CSMD2: variants seen among roughly 807,000 people sequenced by gnomAD.
CSMD2 encodes the protein CUB and sushi domain-containing protein 2.
In CSMD2, 130 loss-of-function variants were observed where a neutral mutation model predicts 398.5. That is an observed-to-expected ratio of 0.33 (90% CI 0.28 to 0.38). CSMD2 has a LOEUF of 0.38. Among genes scored for constraint, CSMD2 ranks in the 10% least tolerant of loss-of-function variants. The pLI is 1.00. For synonymous variants in CSMD2, 1,828 were observed against 1,908.5 expected, an observed-to-expected ratio of 0.96 and a Z score of 1.10; for missense variants, 3,829 against 4,764.9, an observed-to-expected ratio of 0.80 and a Z score of 5.78.
intron 15 of CSMD2, among the ~76,000 whole-genome samples, chr1:33,731,196 A>C (rs1004837966): frequency 2.6e-5 from 4 of 152,222 alleles, no homozygotes; most frequent in South Asian, 2.1e-4. Context: ...TAATACAAAA[A>C]CCGGCAAATA....
chr1:33,572,401 T>C (rs1467436653), intron 50 of CSMD2, 105 bp downstream of exon 50: 2 of 1,046,282 alleles, frequency 1.9e-6, no homozygotes, highest in African/African-American at 1.6e-5. Context: ...GTTTTTTTTT[T>C]TTTTTCCCCC....
At chr1:33,809,348 G>A (rs146667652) in intron 10 of CSMD2, among the ~76,000 whole-genome samples, 349 of 152,060 alleles carry the variant, frequency 2.3e-3, no homozygotes, top group African/African-American at 8.2e-3. Context: ...AGAATGCAAG[G>A]TTGGTTTGAC....
chr1:33,799,234 T>C (rs1655310796), intron 10 of CSMD2, among the ~76,000 whole-genome samples: 1 of 152,222 alleles, frequency 6.6e-6, no homozygotes, highest in Admixed American at 6.5e-5. Flanking sequence ...TAGAAGAATA[T>C]GCAACAGAGA....
intron 49 of CSMD2, among the ~76,000 whole-genome samples, chr1:33,574,637 G>C (rs1209104305): frequency 4.6e-5 from 7 of 152,158 alleles, no homozygotes; most frequent in Admixed American, 4.6e-4. Context: ...CATCAGGCTG[G>C]GGCTCCATTA....
rs374851445 is a variant in CSMD2 at position 33,657,183 on chromosome 1, G to C, written c.4447+763C>G. The stretch of plus-strand genomic sequence containing the variant: ...TCATACAGGAAGGTTTTAAGACTGA[G>C]GACAGATCTAAAGAAACAAAACCTG... On this transcript the variant is annotated intron_variant, in intron 27 of 70. Transcript: ENST00000373381. Among the ~76,000 whole-genome samples the C allele has an allele frequency of 9.9e-5, 15 of 152,254 alleles. No individual in the cohort carries two copies. In the South Asian group the frequency reaches 3.1e-3, roughly 32 times the overall value.
chr1:33,980,232 T>C (rs1646118981), intron 3 of CSMD2, among the ~76,000 whole-genome samples: 1 of 152,132 alleles, frequency 6.6e-6, no homozygotes, highest in African/African-American at 2.4e-5. Context: ...TTAGGGATCA[T>C]CTTAGAACCC....
At chr1:33,600,428 C>G (rs1452417494) in intron 44 of CSMD2, 1 of 553,880 alleles carries the variant, frequency 1.8e-6, no homozygotes, top group African/African-American at 2.0e-5. Flanking sequence ...TCATACTCTT[C>G]CTACTCAAAA....
At chr1:34,118,206 A>G (rs974132730) in intron 1 of CSMD2, among the ~76,000 whole-genome samples, 2 of 152,152 alleles carry the variant, frequency 1.3e-5, no homozygotes, top group African/African-American at 4.8e-5. Context: ...ACAGAGTGAG[A>G]CTCTGTCTCA....
chr1:33,749,092 C>CTTTTTT lies in CSMD2; in HGVS notation c.1847-5492_1847-5487dup, dbSNP rs72469561. On this transcript the variant is annotated intron_variant, in intron 13 of 70. Transcript: ENST00000373381. Reference sequence around the variant, plus strand: ...AAAACAAAGCTATCAATACAGACTTCTTTTTTTTTTTTTTTTTTTTTTTTT... The same window carrying CTTTTTT: ...AAAACAAAGCTATCAATACAGACTTCTTTTTTTTTTTTTTTTTTTTTTTTTTTTTTT... Among the ~76,000 whole-genome samples the CTTTTTT allele has an allele frequency of 2.8e-3, 246 of 87,804 alleles. 7 individuals carry two copies. Among genetic ancestry groups the CTTTTTT allele is most frequent in the African/African-American group, 3.9e-3 (79 of 20,504 alleles). The allele number at this position is 87,804 out of a possible 152,430, so 57.6% of individuals were successfully genotyped here. A position where few individuals can be genotyped will look rare whatever the true frequency, so the allele number is the denominator to read the frequency against.
intron 3 of CSMD2, among the ~76,000 whole-genome samples, chr1:34,013,603 C>G (rs574631525): frequency 1.3e-5 from 2 of 152,274 alleles, no homozygotes; most frequent in African/African-American, 4.8e-5. Flanking sequence ...ACAGCCTGAT[C>G]TGCCCCTTCT....
chr1:34,075,290 C>T (rs2148312621), intron 2 of CSMD2, among the ~76,000 whole-genome samples: 1 of 152,374 alleles, frequency 6.6e-6, no homozygotes, highest in East Asian at 1.9e-4. Context: ...AGAGCACATT[C>T]CCAGAGGCAT....
chr1:34,027,508 C>G (rs1341704972), intron 3 of CSMD2, among the ~76,000 whole-genome samples: 2 of 152,166 alleles, frequency 1.3e-5, no homozygotes, highest in African/African-American at 4.8e-5. Context: ...CCAGCAATTG[C>G]ACTTCCAAGA....
rs1043186645 is a variant in CSMD2, at chr1:33,636,272, C to A, written c.4969+88G>T. ...GGAGGAGCCGGGCTTGAGGACCTTG[C>A]CCCCCTCCCTTCCCCAGCCCACAGC... On this transcript the variant is annotated intron_variant, in intron 30 of 70. Coordinates refer to ENST00000373381, the MANE Select transcript of CSMD2 (RefSeq NM_001281956.2). This position sits in a 1 kb window ranked among gnomAD's most constrained non-coding sequence, Gnocchi z 4.8. 1.5e-6 allele frequency: 2 copies of A among 1,331,620 alleles called. No homozygotes were observed. Among genetic ancestry groups the A allele is most frequent in the African/African-American group, 1.5e-5 (1 of 68,392 alleles). 82.5% of individuals were successfully genotyped at this position (1,331,620 alleles called of 1,614,324 possible). A position where few individuals can be genotyped will look rare whatever the true frequency, so the allele number is the denominator to read the frequency against.
At chr1:33,785,643 G>C (rs1569925257) in intron 12 of CSMD2, among the ~76,000 whole-genome samples, 1 of 152,232 alleles carries the variant, frequency 6.6e-6, no homozygotes, top group Non-Finnish European at 1.5e-5. Flanking sequence ...GAAGAAAGGA[G>C]AAGAAACAGA....
intron 3 of CSMD2, among the ~76,000 whole-genome samples, chr1:33,998,431 T>C (rs1477488354): frequency 6.6e-6 from 1 of 152,234 alleles, no homozygotes; most frequent in Admixed American, 6.5e-5. Context: ...CCAGCTCACG[T>C]ACATGCAAAA....
At chr1:34,118,757 A>G (rs1455144086) in intron 1 of CSMD2, among the ~76,000 whole-genome samples, 2 of 152,228 alleles carry the variant, frequency 1.3e-5, no homozygotes, top group Non-Finnish European at 2.9e-5. Context: ...ACTATAGAAC[A>G]TTGCTTACAG....
chr1:33,842,063 T>C (rs184723842), intron 6 of CSMD2, among the ~76,000 whole-genome samples: 35 of 152,270 alleles, frequency 2.3e-4, no homozygotes, highest in Admixed American at 2.0e-3. Context: ...CCAGAATCAA[T>C]GTGTCCCAAG....
intron 1 of CSMD2, among the ~76,000 whole-genome samples, chr1:34,124,176 CCATT>C (rs534798443): frequency 3.9e-5 from 6 of 152,154 alleles, no homozygotes; most frequent in African/African-American, 9.7e-5. Flanking sequence ...CACCATTTAT[CCATT>C]CATTCATTCA....
At chr1:33,760,010 G>C (rs1649610375) in intron 13 of CSMD2, among the ~76,000 whole-genome samples, 1 of 152,160 alleles carries the variant, frequency 6.6e-6, no homozygotes, top group Non-Finnish European at 1.5e-5. Flanking sequence ...TCATTGGTAG[G>C]GGTCTGATGA....
Sources: allele counts gnomAD v4.1 joint callset (sites outside exome capture counted in the v4.1 genomes callset), GRCh38; gene constraint gnomAD v4.1.1; non-coding constraint Gnocchi (gnomAD v3.1); transcripts MANE v1.5; gene names NCBI Gene and HGNC (gene_info 2026-07-23, HGNC 2026-07-21).